Variants in CLEC2D observed in about 807,000 individuals in gnomAD.
CLEC2D encodes the protein C-type lectin domain family 2 member D.
In CLEC2D, 16 loss-of-function variants were observed where a neutral mutation model predicts 20.0. The ratio of observed to expected loss-of-function variants is 0.80; its 90% CI spans 0.54 to 1.22. CLEC2D has a LOEUF of 1.22. Ranked by LOEUF, CLEC2D falls within the 50% of genes most tolerant of loss-of-function variation. CLEC2D has a pLI of 0.00. For synonymous variants in CLEC2D, 77 were observed against 71.1 expected (o/e 1.08, Z -0.42); for missense variants, 207 against 221.5 (o/e 0.93, Z 0.42).
Position 9,683,322 on chromosome 12 carries a change from G to GTTTT in CLEC2D, c.172+2292_172+2295dup, listed in dbSNP as rs1226655704. ...TGCCTGTTCACTCTGATGATAGTTT[G>GTTTT]TTTTTTGTGTTTGTTTTTTTTTTTT... On this transcript the variant is annotated intron_variant, in intron 2 of 4. Coordinates refer to ENST00000290855, the MANE Select transcript of CLEC2D (RefSeq NM_013269.6). Among the ~76,000 whole-genome samples the GTTTT allele has an allele frequency of 9.9e-5, 8 of 80,874 alleles. 1 individual carries two copies. The highest frequency in any genetic ancestry group is 1.2e-4 in the African/African-American group (2 of 16,130). The allele number at this position is 80,874 out of a possible 152,430, so 53.1% of individuals were successfully genotyped here.
Position 9,687,906 on chromosome 12 carries a change from A to G in CLEC2D, c.177A>G (p.Ile59Met). 1 of 1,520,398 alleles carries G rather than the reference A, an allele frequency of 6.6e-7. No homozygotes were observed. Among genetic ancestry groups the G allele is most frequent in the South Asian group, 1.4e-5 (1 of 71,992 alleles). 94.2% of individuals were successfully genotyped at this position (1,520,398 alleles called of 1,614,324 possible). The change falls in exon 3 of 5, where the codon ATA becomes ATG. Residue 59 changes from isoleucine to methionine, a missense_variant. By Grantham distance (10) the Ile-to-Met change is conservative. Transcript: ENST00000290855. ...VCGMVAALSAIRANCHQEPSV... is the reference protein window; with the variant it reads ...VCGMVAALSAMRANCHQEPSV... ...TTATTTTTATTTTATTTTCAGCAAT[A>G]AGAGCTAACTGCCATCAAGAGCCAT...
In CLEC2D at chr12:9,680,953, A is replaced by T. The variant is rs755895493; in HGVS notation, c.92A>T (p.Lys31Ile). ...GCLHSKEHSI[K>I]ATLIWRLFFL... ...CTGCATTCAAAAGAGCATTCTATTA[A>T]AGCTACCTTAATTTGGCGCTTATTT... The change falls in exon 2 of 5, where the codon AAA becomes ATA. Residue 31 changes from lysine to isoleucine, a missense_variant. By Grantham distance (102) the Lys-to-Ile change is moderately radical. Coordinates refer to ENST00000290855, the MANE Select transcript of CLEC2D (RefSeq NM_013269.6). 6.3e-7 allele frequency: 1 copy of T among 1,599,252 alleles called. No individual in the cohort carries two copies. Among genetic ancestry groups the T allele is most frequent in the South Asian group, 1.1e-5 (1 of 90,690 alleles).
intron 4 of CLEC2D, chr12:9,693,304 A>G: frequency 2.0e-6 from 1 of 494,772 alleles, no homozygotes; most frequent in Non-Finnish European, 3.6e-6. Flanking sequence ...TCAGGGAAAG[A>G]TTATGAGTGA....
At chr12:9,673,963 C>G (rs1565463661) in intron 1 of CLEC2D, 2 of 152,720 alleles carry the variant, frequency 1.3e-5, no homozygotes, top group African/African-American at 2.4e-5. Flanking sequence ...CAGGCACACT[C>G]CAGACTACTC....
chr12:9,681,884 CA>C (rs1392525268), intron 2 of CLEC2D, among the ~76,000 whole-genome samples: 3 of 152,024 alleles, frequency 2.0e-5, no homozygotes, highest in Non-Finnish European at 4.4e-5. Flanking sequence ...ATTTATGAAG[CA>C]AAAATAATTT....
In CLEC2D at chr12:9,695,369, G is replaced by C. The variant is rs1865959701; in HGVS notation, c.*495G>C. 10 of 1,341,066 alleles carry C rather than the reference G, an allele frequency of 7.5e-6. No individual in the cohort carries two copies. In the Admixed American group the frequency reaches 1.7e-4, roughly 23 times the overall value. The allele number at this position is 1,341,066 out of a possible 1,614,324, so 83.1% of individuals were successfully genotyped here. A position where few individuals can be genotyped will look rare whatever the true frequency, so the allele number is the denominator to read the frequency against. On this transcript the variant is annotated 3_prime_UTR_variant, in exon 5 of 5. Coordinates refer to ENST00000290855, the MANE Select transcript of CLEC2D (RefSeq NM_013269.6). The stretch of plus-strand genomic sequence containing the variant: ...CGTCTGCCTTGTCTCCTACCTAAGT[G>C]TGTGTCGCCACCCGATGGAAGATTC...
In CLEC2D at chr12:9,678,175, A is replaced by G. The variant is rs184336482; in HGVS notation, c.62-2748A>G. Reference sequence around the variant, plus strand: ...ACATTTAGGTTTGTTATGCGGAAACATAACATAGTTTCTTGGAAAGCTAAT... The same window carrying G: ...ACATTTAGGTTTGTTATGCGGAAACGTAACATAGTTTCTTGGAAAGCTAAT... On this transcript the variant is annotated intron_variant, in intron 1 of 4. Coordinates refer to ENST00000290855, the MANE Select transcript of CLEC2D (RefSeq NM_013269.6). Among the ~76,000 whole-genome samples the G allele has an allele frequency of 7.9e-5, 12 of 152,306 alleles. 1 individual carries two copies. In the East Asian group the frequency reaches 2.3e-3, roughly 29 times the overall value.
At position 9,695,567 on chromosome 12, in the gene CLEC2D, C is replaced by T. The variant is rs1865964329; in HGVS notation, c.*693C>T. 6.3e-6 allele frequency: 9 copies of T among 1,417,614 alleles called. No homozygotes were observed. The highest frequency in any genetic ancestry group is 2.3e-5 in the South Asian group (2 of 87,438). 87.8% of individuals were successfully genotyped at this position (1,417,614 alleles called of 1,614,324 possible). On this transcript the variant is annotated 3_prime_UTR_variant, in exon 5 of 5. Coordinates refer to ENST00000290855, the MANE Select transcript of CLEC2D (RefSeq NM_013269.6). The stretch of plus-strand genomic sequence containing the variant: ...AAGGATGAACTGCACATTGTTGAAG[C>T]AGAGGCCATGAATGACGAAGGCAGT...
At chr12:9,692,073 A>C (rs1434615731) in intron 3 of CLEC2D, among the ~76,000 whole-genome samples, 1 of 152,196 alleles carries the variant, frequency 6.6e-6, no homozygotes, top group South Asian at 2.1e-4. Context: ...GTACACTTAC[A>C]TTAGTTTGGT....
intron 4 of CLEC2D, chr12:9,693,282 G>A: frequency 1.8e-6 from 1 of 544,116 alleles, no homozygotes. Context: ...GAGGAACAGA[G>A]GTTTTGATGT....
In CLEC2D at chr12:9,695,994, A is replaced by G. The variant is rs1344931258; in HGVS notation, c.*1120A>G. The G allele has an allele frequency of 3.1e-5, 48 of 1,549,174 alleles. No homozygotes were observed. The highest frequency in any genetic ancestry group is 9.0e-5 in the East Asian group (4 of 44,662). On this transcript the variant is annotated 3_prime_UTR_variant, in exon 5 of 5. Coordinates refer to ENST00000290855, the MANE Select transcript of CLEC2D (RefSeq NM_013269.6). Reference sequence around the variant, plus strand: ...ATCAGAATGGAAAAGACTCAAAACCATCATCAACACCAAGATCAAAAGGAC... The same window carrying G: ...ATCAGAATGGAAAAGACTCAAAACCGTCATCAACACCAAGATCAAAAGGAC...
Position 9,693,969 on chromosome 12 carries a change from C to CTTTTT in CLEC2D, c.462-769_462-765dup, listed in dbSNP as rs67746754. ...TACAGGTGTGTGCCACCTTGCTTGG[C>CTTTTT]TTTTTTTTTTTTTTTTTTTTTTTTT... On this transcript the variant is annotated intron_variant, in intron 4 of 4. Transcript: ENST00000290855. 7.9e-5 allele frequency: 5 copies of CTTTTT among 63,686 alleles called. 1 individual carries two copies. Among genetic ancestry groups the CTTTTT allele is most frequent in the Non-Finnish European group, 1.1e-4 (4 of 35,124 alleles). 3.9% of individuals were successfully genotyped at this position (63,686 alleles called of 1,614,324 possible). A position where few individuals can be genotyped will look rare whatever the true frequency, so the allele number is the denominator to read the frequency against.
intron 2 of CLEC2D, among the ~76,000 whole-genome samples, chr12:9,687,390 G>A (rs1865772214): frequency 6.6e-6 from 1 of 152,156 alleles, no homozygotes; most frequent in Non-Finnish European, 1.5e-5. Context: ...AGCTCATGAG[G>A]TAATGTGAGT....
chr12:9,682,995 C>G lies in CLEC2D; in HGVS notation c.172+1962C>G, dbSNP rs184567346. ...AAAAGTGTTCCTATTTCTCTACATC[C>G]TCTTCAGCGTCTGTTGTTTCCTGAC... On this transcript the variant is annotated intron_variant, in intron 2 of 4. Coordinates refer to ENST00000290855, the MANE Select transcript of CLEC2D (RefSeq NM_013269.6). 1.8e-4 allele frequency among the ~76,000 whole-genome samples: 28 copies of G among 152,286 alleles called. No individual in the cohort carries two copies. The East Asian group carries it at 5.2e-3, about 28-fold the overall frequency.
At chr12:9,679,749 C>A (rs933764033) in intron 1 of CLEC2D, among the ~76,000 whole-genome samples, 2 of 152,132 alleles carry the variant, frequency 1.3e-5, no homozygotes, top group African/African-American at 4.8e-5. Flanking sequence ...GCTTGCTGAT[C>A]TCTCTAGTGT....
At chr12:9,684,316 T>C (rs768056334) in intron 2 of CLEC2D, among the ~76,000 whole-genome samples, 13 of 152,342 alleles carry the variant, frequency 8.5e-5, no homozygotes, top group Non-Finnish European at 1.6e-4. Flanking sequence ...AATTCTGTCA[T>C]CTGCAAACAG....
Position 9,697,197 on chromosome 12 carries a change from C to T in CLEC2D, c.*2323C>T, listed in dbSNP as rs1866016986. The T allele has an allele frequency of 1.3e-5, 2 of 152,104 alleles. No homozygotes were observed. The highest frequency in any genetic ancestry group is 2.9e-5 in the Non-Finnish European group (2 of 68,022). 9.4% of individuals were successfully genotyped at this position (152,104 alleles called of 1,614,324 possible). A position where few individuals can be genotyped will look rare whatever the true frequency, so the allele number is the denominator to read the frequency against. On this transcript the variant is annotated 3_prime_UTR_variant, in exon 5 of 5. Transcript: ENST00000290855. ...TGTGACATGTTAGTGATGGCCATAA[C>T]ACCCACGCTGGAAGGTTGTGGGTTT... is the stretch of plus-strand genomic sequence containing the variant.
chr12:9,687,380 A>T (rs1470926091), intron 2 of CLEC2D, among the ~76,000 whole-genome samples: 1 of 152,108 alleles, frequency 6.6e-6, no homozygotes, highest in Non-Finnish European at 1.5e-5. Context: ...CAGGAGGTGG[A>T]GCTCATGAGG....
chr12:9,676,208 T>C (rs779149392), intron 1 of CLEC2D, among the ~76,000 whole-genome samples: 15 of 152,206 alleles, frequency 9.9e-5, no homozygotes, highest in Non-Finnish European at 1.8e-4. Context: ...GAGAGGGACA[T>C]CTTTGCCTTG....
Sources: allele counts gnomAD v4.1 joint callset (sites outside exome capture counted in the v4.1 genomes callset), GRCh38; gene constraint gnomAD v4.1.1; transcripts MANE v1.5; gene names NCBI Gene and HGNC (gene_info 2026-07-23, HGNC 2026-07-21).